MED12L: variants seen among roughly 807,000 people sequenced by gnomAD.
MED12L encodes the protein mediator complex subunit 12L.
In MED12L, 60 loss-of-function variants were observed where a neutral mutation model predicts 281.3. The observed-to-expected ratio is 0.21, with a 90% CI of 0.17 to 0.26. The LOEUF (loss-of-function observed/expected upper bound fraction) is 0.26, where lower values mean the gene tolerates loss of function less well. Among genes scored for constraint, MED12L ranks in the 10% least tolerant of loss-of-function variants. MED12L has a pLI of 1.00. For missense variants in MED12L, 2,146 were observed against 2,680.9 expected (o/e 0.80, Z 4.41); for synonymous variants, 974 against 987.2 (o/e 0.99, Z 0.25).
chr3:151,116,855 G>C (rs936508229), intron 3 of MED12L, among the ~76,000 whole-genome samples: 1 of 152,176 alleles, frequency 6.6e-6, no homozygotes, highest in African/African-American at 2.4e-5. Flanking sequence ...CACAATGCCA[G>C]TTTGCCCTAC....
chr3:151,357,759 G>A (rs1253836940), intron 20 of MED12L, among the ~76,000 whole-genome samples: 1 of 152,150 alleles, frequency 6.6e-6, no homozygotes, highest in African/African-American at 2.4e-5. Context: ...AATAAGCTTT[G>A]CATACATTAT....
chr3:151,360,419 A>G (rs1453510237), intron 20 of MED12L, 55 bp from the exon 21 acceptor site: 1 of 1,535,068 alleles, frequency 6.5e-7, no homozygotes, highest in Non-Finnish European at 8.9e-7. Flanking sequence ...GAGTCAAATG[A>G]TAACCCACAT....
intron 27 of MED12L, among the ~76,000 whole-genome samples, 183 bp from the exon 28 acceptor site, chr3:151,375,843 A>G (rs965079676): frequency 6.6e-6 from 1 of 152,116 alleles, no homozygotes; most frequent in African/African-American, 2.4e-5. Flanking sequence ...TGTATTTTTT[A>G]GAAGCCAAAA....
At chr3:151,372,420 C>G (rs1352251568) in intron 26 of MED12L, 147 bp from the exon 27 acceptor site, 1 of 621,220 alleles carries the variant, frequency 1.6e-6, no homozygotes, top group South Asian at 2.0e-5. Context: ...GCTCTTGATC[C>G]ATTCTCTCTA....
At position 151,379,341 on chromosome 3, in the gene MED12L, A is replaced by G. The variant is rs138560213; in HGVS notation, c.4479-772A>G. On this transcript the variant is annotated intron_variant, in intron 31 of 44. Transcript: ENST00000687756. Reference sequence around the variant, plus strand: ...GCCCATGGAGAATAATGCTGATTGAAATATTTTGGCCTAGGTCTCATTTTA... The same window carrying G: ...GCCCATGGAGAATAATGCTGATTGAGATATTTTGGCCTAGGTCTCATTTTA... 7.0e-3 allele frequency among the ~76,000 whole-genome samples: 1,070 copies of G among 152,348 alleles called. 9 individuals carry two copies. Among genetic ancestry groups the G allele is most frequent in the Non-Finnish European group, 0.01 (714 of 68,032 alleles).
chr3:151,330,598 A>G (rs990385438), intron 16 of MED12L, among the ~76,000 whole-genome samples: 7 of 152,162 alleles, frequency 4.6e-5, no homozygotes, highest in African/African-American at 1.2e-4. Flanking sequence ...TCTTGCCACA[A>G]GTGTTACCAT....
intron 11 of MED12L, among the ~76,000 whole-genome samples, chr3:151,178,774 A>G (rs1201514563): frequency 6.6e-6 from 1 of 152,192 alleles, no homozygotes; most frequent in Non-Finnish European, 1.5e-5. Context: ...GTCTGACTGT[A>G]AATTGGGTAG....
chr3:151,375,461 C>T (rs1756715886), intron 27 of MED12L, among the ~76,000 whole-genome samples: 1 of 152,076 alleles, frequency 6.6e-6, no homozygotes, highest in South Asian at 2.1e-4. Context: ...GCATCTATAG[C>T]CCCCCACTCA....
chr3:151,334,200 T>C lies in MED12L; in HGVS notation c.2251-15859T>C, dbSNP rs937715694. ...GTGTTTTTTCTTTCTTTCTTTCTTT[T>C]TTTTTTTGCCATTTCTATTTCTCCT... On this transcript the variant is annotated intron_variant, in intron 16 of 44. Coordinates refer to ENST00000687756, the MANE Select transcript of MED12L (RefSeq NM_001393769.1). Among the ~76,000 whole-genome samples the C allele has an allele frequency of 5.4e-4, 79 of 145,356 alleles. 4 individuals are homozygous for C. Among genetic ancestry groups the C allele is most frequent in the Non-Finnish European group, 2.6e-4 (17 of 66,398 alleles).
Position 151,435,062 on chromosome 3 carries a change from C to CTTTTTTTT in MED12L, c.*2271_*2278dup, listed in dbSNP as rs66791814. 648 of 118,264 alleles carry CTTTTTTTT rather than the reference C, an allele frequency of 5.5e-3. 1 individual carries two copies. The highest frequency in any genetic ancestry group is 0.015 in the Middle Eastern group (3 of 200). 7.3% of individuals were successfully genotyped at this position (118,264 alleles called of 1,614,324 possible). A position where few individuals can be genotyped will look rare whatever the true frequency, so the allele number is the denominator to read the frequency against. On this transcript the variant is annotated 3_prime_UTR_variant, in exon 45 of 45. Transcript: ENST00000687756. Reference sequence around the variant, plus strand: ...GTTAATTCTGTATCTTGAGAGGTTTCTTTTTTTTTTTTTTTTTTTTCTTTT... The same window carrying CTTTTTTTT: ...GTTAATTCTGTATCTTGAGAGGTTTCTTTTTTTTTTTTTTTTTTTTTTTTTTTTCTTTT...
rs1262916585 is a variant in MED12L at position 151,195,049 on chromosome 3, G to A, written c.2250+1383G>A. On this transcript the variant is annotated intron_variant, in intron 16 of 44. Coordinates refer to ENST00000687756, the MANE Select transcript of MED12L (RefSeq NM_001393769.1). ...CTGGTGGCGGGCGCCTGTAGTCGCAGCTTCTCAGGAGGCTGAGGCAGGAGA... is the reference window on the plus strand; with the variant it reads ...CTGGTGGCGGGCGCCTGTAGTCGCAACTTCTCAGGAGGCTGAGGCAGGAGA... 2.6e-5 allele frequency among the ~76,000 whole-genome samples: 4 copies of A among 152,132 alleles called. No homozygotes were observed. The East Asian group carries it at 7.7e-4, about 29-fold the overall frequency.
intron 4 of MED12L, among the ~76,000 whole-genome samples, chr3:151,124,222 T>G (rs1714167583): frequency 6.6e-6 from 1 of 152,252 alleles, no homozygotes; most frequent in Admixed American, 6.5e-5. Context: ...TTTGCTACTC[T>G]TGAGGAGTTG....
intron 42 of MED12L, among the ~76,000 whole-genome samples, chr3:151,415,220 A>ATAAGGTCAGTGAGAAGTAAACCTGCC: frequency 1.3e-5 from 2 of 152,192 alleles, no homozygotes; most frequent in African/African-American, 4.8e-5. Context: ...TCCTTCTGGT[A>ATAAGGTCAGTGAGAAGTAAACCTGCC]ATTTTTTCAT....
At chr3:151,332,669 A>G (rs544948023) in intron 16 of MED12L, among the ~76,000 whole-genome samples, 2 of 152,332 alleles carry the variant, frequency 1.3e-5, no homozygotes, top group Non-Finnish European at 2.9e-5. Flanking sequence ...TATGTGTACA[A>G]ATATATTTAC....
chr3:151,218,683 A>G (rs937954989), intron 16 of MED12L, among the ~76,000 whole-genome samples: 1 of 152,092 alleles, frequency 6.6e-6, no homozygotes, highest in African/African-American at 2.4e-5. Flanking sequence ...CCTGGCCAAC[A>G]TGATGAAACC....
intron 11 of MED12L, among the ~76,000 whole-genome samples, chr3:151,178,157 C>CAAAAAAAAAAAA (rs10572929): frequency 8.5e-4 from 42 of 49,170 alleles, no homozygotes; most frequent in East Asian, 5.8e-3. Context: ...GACTTGGTCT[C>CAAAAAAAAAAAA]AAAAAAAAAA....
chr3:151,394,450 A>T (rs3732767), intron 38 of MED12L, among the ~76,000 whole-genome samples: 9,436 of 152,310 alleles, frequency 0.062, 434 homozygotes, highest in Middle Eastern at 0.18. Flanking sequence ...AAAGTAGTAT[A>T]ATTCACTTCT....
intron 16 of MED12L, among the ~76,000 whole-genome samples, chr3:151,289,973 C>G (rs1368673054): frequency 1.3e-5 from 2 of 151,952 alleles, no homozygotes; most frequent in Non-Finnish European, 2.9e-5. Flanking sequence ...CTCCGCCTCC[C>G]AGGTTCACCC....
intron 3 of MED12L, among the ~76,000 whole-genome samples, chr3:151,120,528 T>C (rs1455859908): frequency 6.6e-6 from 1 of 152,182 alleles, no homozygotes; most frequent in Non-Finnish European, 1.5e-5. Context: ...CACAGTACAT[T>C]GTTATGTGTC....
Sources: allele counts gnomAD v4.1 joint callset (sites outside exome capture counted in the v4.1 genomes callset), GRCh38; gene constraint gnomAD v4.1.1; transcripts MANE v1.5; gene names NCBI Gene and HGNC (gene_info 2026-07-23, HGNC 2026-07-21).